The following MAML2 variants were observed in gnomAD, a reference collection of about 807,000 sequenced individuals.
MAML2 encodes mastermind-like protein 2.
In MAML2, 22 loss-of-function variants were observed where a neutral mutation model predicts 96.1. That is an observed-to-expected ratio of 0.23 (90% confidence interval 0.16 to 0.33). The LOEUF (loss-of-function observed/expected upper bound fraction) is 0.33. Among genes scored for constraint, MAML2 ranks in the 10% least tolerant of loss-of-function variants. The probability of loss-of-function intolerance (pLI) is 1.00; values close to 1 mark genes in which losing one functional copy is unlikely to be tolerated. For missense variants in MAML2, 1,367 were observed against 1,392.4 expected (o/e 0.98, Z 0.29); for synonymous variants, 561 against 521.3 (o/e 1.08, Z -1.04).
chr11:96,290,917 G>A (rs570848693), intron 1 of MAML2, among the ~76,000 whole-genome samples: 1 of 151,848 alleles, frequency 6.6e-6, no homozygotes, highest in Admixed American at 6.6e-5. Context: ...ATTTTATTTT[G>A]ATTTTAGAAT....
At chr11:96,174,195 A>G (rs1259481166) in intron 1 of MAML2, among the ~76,000 whole-genome samples, 3 of 152,064 alleles carry the variant, frequency 2.0e-5, no homozygotes, top group Non-Finnish European at 4.4e-5. Flanking sequence ...GCCAGTTGTC[A>G]TGAGGTCACA....
At chr11:96,117,741 C>T (rs1373727667) in intron 1 of MAML2, among the ~76,000 whole-genome samples, 3 of 152,216 alleles carry the variant, frequency 2.0e-5, no homozygotes, top group African/African-American at 7.2e-5. Context: ...CAAAAATGGT[C>T]TACAATCTGC....
intron 1 of MAML2, among the ~76,000 whole-genome samples, chr11:96,321,342 C>T (rs1863697019): frequency 6.6e-6 from 1 of 152,234 alleles, no homozygotes; most frequent in Admixed American, 6.5e-5. Flanking sequence ...GTTCAAGCCT[C>T]TCCTTTTTAA....
At chr11:96,246,109 TG>T (rs1392082466) in intron 1 of MAML2, among the ~76,000 whole-genome samples, 1 of 152,094 alleles carries the variant, frequency 6.6e-6, no homozygotes, top group Non-Finnish European at 1.5e-5. Flanking sequence ...ATGGTCCCTA[TG>T]CTGGAAAGAG....
At chr11:96,099,533 G>A (rs1340429283) in intron 1 of MAML2, among the ~76,000 whole-genome samples, 1 of 152,102 alleles carries the variant, frequency 6.6e-6, no homozygotes, top group Non-Finnish European at 1.5e-5. Flanking sequence ...CTTTGAGGGT[G>A]GGCATTCATT....
intron 1 of MAML2, among the ~76,000 whole-genome samples, chr11:96,178,780 C>T (rs769894801): frequency 2.0e-5 from 3 of 152,044 alleles, no homozygotes; most frequent in Non-Finnish European, 4.4e-5. Context: ...GTCTGGTAGC[C>T]GGTTTTGCTG....
intron 1 of MAML2, among the ~76,000 whole-genome samples, chr11:96,110,370 T>C (rs556034026): frequency 6.6e-6 from 1 of 152,334 alleles, no homozygotes; most frequent in East Asian, 1.9e-4. Context: ...CATTCTAGAA[T>C]GGAGGATTCC....
chr11:96,050,369 C>T (rs1426993955), intron 2 of MAML2, among the ~76,000 whole-genome samples: 2 of 152,110 alleles, frequency 1.3e-5, no homozygotes, highest in Non-Finnish European at 2.9e-5. Flanking sequence ...ATGGCCATGC[C>T]TGTATTATTC....
chr11:95,984,080 T>G (rs978203543), intron 4 of MAML2, among the ~76,000 whole-genome samples: 6 of 152,164 alleles, frequency 3.9e-5, no homozygotes, highest in Admixed American at 3.9e-4. Context: ...TTTTGTATCT[T>G]TTTAATTATA....
intron 1 of MAML2, among the ~76,000 whole-genome samples, chr11:96,196,790 CAT>C (rs762524757): frequency 6.6e-6 from 1 of 151,722 alleles, no homozygotes; most frequent in Admixed American, 6.6e-5. Flanking sequence ...GCTTAGAATT[CAT>C]AGTCTTTTCT....
At chr11:96,279,525 G>A (rs1863036587) in intron 1 of MAML2, among the ~76,000 whole-genome samples, 1 of 152,172 alleles carries the variant, frequency 6.6e-6, no homozygotes. Flanking sequence ...ATACAGGAGA[G>A]TAAGGGAAGG....
chr11:96,128,388 G>A (rs367849605), intron 1 of MAML2, among the ~76,000 whole-genome samples: 1 of 151,970 alleles, frequency 6.6e-6, no homozygotes, highest in Non-Finnish European at 1.5e-5. Flanking sequence ...ACAGTGGGAG[G>A]CTCAGTCTCG....
intron 1 of MAML2, among the ~76,000 whole-genome samples, chr11:96,113,575 C>T (rs778866558): frequency 1.3e-5 from 2 of 148,930 alleles, no homozygotes; most frequent in African/African-American, 5.0e-5. Context: ...TTTTACTCTG[C>T]TCCTAATGTT....
intron 1 of MAML2, among the ~76,000 whole-genome samples, chr11:96,190,071 A>G (rs1158397174): frequency 6.6e-6 from 1 of 152,250 alleles, no homozygotes; most frequent in Non-Finnish European, 1.5e-5. Flanking sequence ...TTTAAAAGCC[A>G]ACATGGATGA....
intron 1 of MAML2, among the ~76,000 whole-genome samples, chr11:96,323,963 G>A (rs1237534816): frequency 6.6e-6 from 1 of 152,240 alleles, no homozygotes; most frequent in East Asian, 1.9e-4. Context: ...ACTGGCAACA[G>A]TCTCAAAGAG....
chr11:96,246,212 G>A (rs1862511339), intron 1 of MAML2, among the ~76,000 whole-genome samples: 1 of 152,086 alleles, frequency 6.6e-6, no homozygotes, highest in African/African-American at 2.4e-5. Flanking sequence ...AAGAAAGTTT[G>A]TTGAGACTCA....
intron 1 of MAML2, among the ~76,000 whole-genome samples, chr11:96,233,394 T>G (rs1009412641): frequency 9.6e-5 from 8 of 83,030 alleles, no homozygotes; most frequent in Non-Finnish European, 1.9e-4. Context: ...TTCCCTACTC[T>G]TAAATTCTTT....
At chr11:96,061,518 A>G (rs965935558) in intron 2 of MAML2, among the ~76,000 whole-genome samples, 1 of 151,976 alleles carries the variant, frequency 6.6e-6, no homozygotes, top group African/African-American at 2.4e-5. Context: ...AAGTGCATCA[A>G]TTGTTAAAAT....
At position 96,313,342 on chromosome 11, in the gene MAML2, C is replaced by T. The variant is rs1042485956; in HGVS notation, c.513+28041G>A. 3.3e-5 allele frequency among the ~76,000 whole-genome samples: 5 copies of T among 152,172 alleles called. No individual in the cohort carries two copies. The South Asian group carries it at 6.2e-4, about 19-fold the overall frequency. On this transcript the variant is annotated intron_variant, in intron 1 of 4. Coordinates refer to ENST00000524717, the MANE Select transcript of MAML2 (RefSeq NM_032427.4). ...ATCCCCATCTCAGAACTGGGGTGGA[C>T]GCCAAGGTGCAATGTAAGCAGCTCT...
Sources: gnomAD v4.1 joint callset for allele counts (sites outside exome capture counted in the v4.1 genomes callset) on GRCh38, gnomAD v4.1.1 for gene constraint, MANE v1.5 for transcripts, NCBI Gene and HGNC (gene_info 2026-07-23, HGNC 2026-07-21) for gene names.